Variants in PDK2 observed in about 807,000 individuals in gnomAD.
PDK2 encodes pyruvate dehydrogenase kinase 2.
Under a neutral mutation model 50.4 loss-of-function variants are expected in PDK2, and 34 were observed. That is an observed-to-expected ratio of 0.68 (90% CI 0.51 to 0.90). PDK2 has a LOEUF of 0.90. Ranked by LOEUF, PDK2 falls within the 40% of genes least tolerant of loss-of-function variation. The pLI is 0.00. For synonymous variants in PDK2, 232 were observed against 216.0 expected (o/e 1.07, Z -0.65); for missense variants, 377 against 544.5 (o/e 0.69, Z 3.06).
Position 50,109,401 on chromosome 17 carries a change from G to A in PDK2, c.1083+1G>A. On this transcript the variant is annotated splice_donor_variant, in intron 10 of 10. Coordinates refer to ENST00000503176, the MANE Select transcript of PDK2 (RefSeq NM_002611.5). LOFTEE classifies it high-confidence loss of function. The surrounding 1 kb of genome is among the most constrained non-coding windows in gnomAD (Gnocchi z 5.0). ...GACCGATGCTGTCATCTATCTCAAG[G>A]TGAGGGCCCTTCCCGCAGAGCCCAG... 3 of 1,592,808 alleles carry A rather than the reference G, an allele frequency of 1.9e-6. No homozygotes were observed. The highest frequency in any genetic ancestry group is 2.6e-6 in the Non-Finnish European group (3 of 1,162,484).
At chr17:50,105,743 T>A (rs972634993) in intron 3 of PDK2, 142 bp from the exon 4 acceptor site, 2 of 1,174,084 alleles carry the variant, frequency 1.7e-6, no homozygotes, top group Non-Finnish European at 1.2e-6. Flanking sequence ...AAGATCAGAG[T>A]GGGCTTTGGG....
Position 50,106,057 on chromosome 17 carries a change from A to C in PDK2, c.505A>C (p.Ile169Leu), listed in dbSNP as rs1163647758. ...CAGCCGCATCTCCATCCGCATGCTC[A>C]TCAACCAGCACAGTGGGTGCCGGCC... is the stretch of plus-strand genomic sequence containing the variant. Reference protein sequence around the residue: ...YLSRISIRMLINQHTLIFDGS... With the variant: ...YLSRISIRMLLNQHTLIFDGS... The change falls in exon 4 of 11, where the codon ATC (isoleucine) becomes CTC (leucine). Residue 169 changes from isoleucine (I) to leucine (L), a missense_variant. Ile to Leu is a conservative substitution (Grantham distance 5). Coordinates refer to ENST00000503176, the MANE Select transcript of PDK2 (RefSeq NM_002611.5). 1 of 1,601,762 alleles carries C rather than the reference A, an allele frequency of 6.2e-7. No individual in the cohort carries two copies. Among genetic ancestry groups the C allele is most frequent in the Non-Finnish European group, 8.5e-7 (1 of 1,174,162 alleles).
chr17:50,095,611 A>G (rs904500803), intron 1 of PDK2, 58 bp downstream of exon 1: 22 of 1,517,324 alleles, frequency 1.4e-5, no homozygotes, highest in Non-Finnish European at 1.9e-5. Flanking sequence ...TGGGAGGGGC[A>G]GCCGGGGGCT....
intron 2 of PDK2, among the ~76,000 whole-genome samples, chr17:50,102,946 T>G (rs1361831557): frequency 6.6e-6 from 1 of 152,240 alleles, no homozygotes; most frequent in Non-Finnish European, 1.5e-5. Flanking sequence ...CCCAACCTGC[T>G]GCTTACTATG....
At chr17:50,106,418 T>TC (rs397722231) in intron 4 of PDK2, 2 of 477,300 alleles carry the variant, frequency 4.2e-6, no homozygotes, top group Non-Finnish European at 7.2e-6. Flanking sequence ...CTATGATTTT[T>TC]GAGAAGTTGT....
Position 50,106,008 on chromosome 17 carries a change from G to T in PDK2, c.456G>T (p.Gln152His). 1.2e-6 allele frequency: 2 copies of T among 1,610,420 alleles called. No individual in the cohort carries two copies. The highest frequency in any genetic ancestry group is 1.7e-6 in the Non-Finnish European group (2 of 1,178,472). ...GDDPVSNQNI[Q>H]YFLDRFYLSR... is the part of the protein sequence containing the mutation. ...ACCCCGTCTCCAACCAGAACATCCA[G>T]TACTTCCTGGACCGCTTCTACCTCA... The change falls in exon 4 of 11, where the codon CAG (glutamine) becomes CAT (histidine). Residue 152 changes from glutamine to histidine, a missense_variant. By Grantham distance (24) the Gln-to-His change is conservative. This residue lies in a region of PDK2 where 63 missense variants were observed against 135.1 expected (regional missense o/e 0.47). Transcript: ENST00000503176.
upstream of PDK2, among the ~76,000 whole-genome samples, chr17:50,095,067 G>T (rs1909856597): frequency 6.6e-6 from 1 of 152,264 alleles, no homozygotes; most frequent in South Asian, 2.1e-4. Context: ...CGAAAGGGCT[G>T]GCGGGGCTCT....
Position 50,110,094 on chromosome 17 carries a change from C to T in PDK2, c.1221C>T (p.Ser407=), listed in dbSNP as rs1347468501. The change falls in exon 11 of 11, where the codon AGC becomes AGT. Residue 407 remains serine, a synonymous_variant. Coordinates refer to ENST00000503176, the MANE Select transcript of PDK2 (RefSeq NM_002611.5). ...EPKNTSTYRV[S] is the part of the protein sequence containing the mutation. ...AGAACACGTCCACGTACCGCGTCAG[C>T]TAAGGGCCGCCGTGCATCTGCACCT... 1 of 1,601,200 alleles carries T rather than the reference C, an allele frequency of 6.2e-7. No homozygotes were observed. Among genetic ancestry groups the T allele is most frequent in the South Asian group, 1.1e-5 (1 of 89,694 alleles).
At position 50,105,446 on chromosome 17, in the gene PDK2, A is replaced by T; in HGVS notation, c.332+4A>T. The T allele has an allele frequency of 6.2e-7, 1 of 1,613,142 alleles. No individual in the cohort carries two copies. Among genetic ancestry groups the T allele is most frequent in the Non-Finnish European group, 8.5e-7 (1 of 1,179,472 alleles). ...AGGACCATCGCACCCTGAGCCAGTG[A>T]GTGGGGGCCCTGGGTGGGGCAGGAA... On this transcript the variant is annotated splice_donor_region_variant and intron_variant, in intron 3 of 10. Coordinates refer to ENST00000503176, the MANE Select transcript of PDK2 (RefSeq NM_002611.5).
chr17:50,106,519 A>G, intron 4 of PDK2: 1 of 525,460 alleles, frequency 1.9e-6, no homozygotes, highest in African/African-American at 1.9e-5. Context: ...AGTCAAAGAA[A>G]AGAATAAATG....
In PDK2 at chr17:50,106,029, C is replaced by T. The variant is rs745883628; in HGVS notation, c.477C>T (p.Tyr159=). The change falls in exon 4 of 11, where the codon TAC becomes TAT. Residue 159 remains tyrosine, a synonymous_variant. Coordinates refer to ENST00000503176, the MANE Select transcript of PDK2 (RefSeq NM_002611.5). ...QNIQYFLDRF[Y]LSRISIRMLI... Reference sequence around the variant, plus strand: ...TCCAGTACTTCCTGGACCGCTTCTACCTCAGCCGCATCTCCATCCGCATGC... The same window carrying T: ...TCCAGTACTTCCTGGACCGCTTCTATCTCAGCCGCATCTCCATCCGCATGC... The T allele has an allele frequency of 3.1e-6, 5 of 1,608,910 alleles. 1 individual carries two copies. The South Asian group carries it at 4.4e-5, about 14-fold the overall frequency.
chr17:50,094,786 T>C (rs1172737385), upstream of PDK2: 1 of 152,272 alleles, frequency 6.6e-6, no homozygotes, highest in Non-Finnish European at 1.5e-5. Flanking sequence ...GCTGCATATA[T>C]ACAGGACGGA....
intron 3 of PDK2, 52 bp from the exon 4 acceptor site, chr17:50,105,833 A>C (rs1910478634): frequency 6.3e-7 from 1 of 1,584,522 alleles, no homozygotes. Context: ...GGGAGTCAGA[A>C]GCGGAGAAGA....
At chr17:50,106,317 T>G in intron 4 of PDK2, 1 of 949,232 alleles carries the variant, frequency 1.1e-6, no homozygotes, top group Non-Finnish European at 1.5e-6. Context: ...TGTCACATCT[T>G]TAAAAGAATG....
At position 50,109,015 on chromosome 17, in the gene PDK2, G is replaced by C. The variant is rs1164223708; in HGVS notation, c.970-272G>C. Among the ~76,000 whole-genome samples, 1 of 152,068 alleles carries C rather than the reference G, an allele frequency of 6.6e-6. No homozygotes were observed. Among genetic ancestry groups the C allele is most frequent in the Non-Finnish European group, 1.5e-5 (1 of 68,016 alleles). ...AGCACCTCCCTGTTAGAAAACTTGA[G>C]ACTCAAAGGAGCCGTGGGGCCTGCT... On this transcript the variant is annotated intron_variant, in intron 9 of 10. Coordinates refer to ENST00000503176, the MANE Select transcript of PDK2 (RefSeq NM_002611.5). This position sits in a 1 kb window ranked among gnomAD's most constrained non-coding sequence, Gnocchi z 5.0.
intron 2 of PDK2, among the ~76,000 whole-genome samples, chr17:50,102,605 G>A (rs1485548920): frequency 3.9e-5 from 6 of 152,168 alleles, no homozygotes; most frequent in Non-Finnish European, 5.9e-5. Context: ...GCCTGTGTGC[G>A]GGCCCTCTCT....
At chr17:50,108,448 G>C (rs1266118914) in intron 8 of PDK2, 31 bp downstream of exon 8, 13 of 1,556,210 alleles carry the variant, frequency 8.4e-6, no homozygotes, top group Non-Finnish European at 1.2e-5. Flanking sequence ...GGGGACCAGG[G>C]AGCAGTAGTG....
chr17:50,108,103 G>T, intron 6 of PDK2, 53 bp from the exon 7 acceptor site: 2 of 1,468,644 alleles, frequency 1.4e-6, no homozygotes, highest in South Asian at 1.2e-5. Flanking sequence ...TAAGGTGGTT[G>T]AGCAGTGACC....
chr17:50,112,149 A>C lies in PDK2; in HGVS notation c.*2052A>C, dbSNP rs1910884022. The C allele has an allele frequency of 6.6e-6, 1 of 152,168 alleles. No homozygotes were observed. The allele number at this position is 152,168 out of a possible 1,614,324, so 9.4% of individuals were successfully genotyped here. On this transcript the variant is annotated 3_prime_UTR_variant, in exon 11 of 11. Transcript: ENST00000503176. ...TCCTGGCTTGGAGAATGGGTCAAAG[A>C]CCAGGTCTTGAATGGGCCCTGAGAG...
Sources: gnomAD v4.1 joint callset for allele counts (sites outside exome capture counted in the v4.1 genomes callset) on GRCh38, gnomAD v4.1.1 for gene constraint, gnomAD v4.1.1 regional missense constraint, Gnocchi (gnomAD v3.1) non-coding constraint, MANE v1.5 for transcripts, NCBI Gene and HGNC (gene_info 2026-07-23, HGNC 2026-07-21) for gene names.